The following TXNRD2 variants were observed in gnomAD, a reference collection of about 807,000 sequenced individuals.
TXNRD2 encodes thioredoxin reductase 2.
A neutral mutation model predicts 70.8 loss-of-function variants in TXNRD2; 67 were observed. The ratio of observed to expected loss-of-function variants is 0.95; its 90% confidence interval spans 0.78 to 1.16. TXNRD2 has a LOEUF of 1.16. Ranked by LOEUF, TXNRD2 falls within the 50% of genes most tolerant of loss-of-function variation. The pLI, the probability that TXNRD2 is intolerant of heterozygous loss-of-function variation, is 0.00. For synonymous variants in TXNRD2, 301 were observed against 295.8 expected, an observed-to-expected ratio of 1.02 and a Z score of -0.18; for missense variants, 644 against 719.9, an observed-to-expected ratio of 0.89 and a Z score of 1.21.
chr22:19,880,156 G>C, intron 14 of TXNRD2, 23 bp downstream of exon 14: 1 of 1,610,924 alleles, frequency 6.2e-7, no homozygotes, highest in Non-Finnish European at 8.5e-7. Context: ...ACTGTCCTCA[G>C]CTGTGCTGCT....
rs767787404 is a variant in TXNRD2 at position 19,915,856 on chromosome 22, GAT to G, written c.450-15_450-14del. 393 of 1,612,708 alleles carry G rather than the reference GAT, an allele frequency of 2.4e-4. 1 individual carries two copies. In the African/African-American group the frequency reaches 4.6e-3, roughly 19 times the overall value. On this transcript the variant is annotated splice_polypyrimidine_tract_variant and intron_variant, in intron 5 of 17. Coordinates refer to ENST00000400521, the MANE Select transcript of TXNRD2 (RefSeq NM_006440.5). ...GTACTTGACTTTTCTGAAAGATAAA[GAT>G]AAGATTTTCAAACACTTCCTCTGCA...
intron 17 of TXNRD2, chr22:19,876,427 G>C (rs1054021400): frequency 1.3e-5 from 2 of 152,312 alleles, no homozygotes; most frequent in African/African-American, 2.4e-5. Context: ...TCTGGCACAG[G>C]CATCCCTGGG....
intron 15 of TXNRD2, 39 bp from the exon 16 acceptor site, chr22:19,878,226 G>A (rs1380755856): frequency 1.2e-6 from 2 of 1,605,318 alleles, no homozygotes; most frequent in Non-Finnish European, 1.7e-6. Flanking sequence ...CCAGGAGGGG[G>A]CTGGGTTGCG....
intron 10 of TXNRD2, among the ~76,000 whole-genome samples, chr22:19,896,632 C>T (rs556950605): frequency 6.4e-4 from 98 of 152,368 alleles, no homozygotes; most frequent in Non-Finnish European, 1.2e-3. Context: ...GAGGCCTGTG[C>T]GCCCCAAGTC....
At position 19,919,538 on chromosome 22, in the gene TXNRD2, C is replaced by T. The variant is rs1478755042; in HGVS notation, c.229+5G>A. On this transcript the variant is annotated splice_donor_5th_base_variant and intron_variant, in intron 3 of 17. Transcript: ENST00000400521. ...GACACCCGGCTCCCATAGGGTGCTG[C>T]CTACCTTGGGGAGAAGGTTCCACGT... 1.3e-6 allele frequency: 2 copies of T among 1,558,122 alleles called. No homozygotes were observed. Among genetic ancestry groups the T allele is most frequent in the East Asian group, 2.4e-5 (1 of 41,018 alleles).
Position 19,895,505 on chromosome 22 carries a change from A to T in TXNRD2, c.851T>A (p.Val284Asp), listed in dbSNP as rs1045022447. The T allele has an allele frequency of 1.9e-6, 3 of 1,613,704 alleles. No homozygotes were observed. The highest frequency in any genetic ancestry group is 2.7e-5 in the African/African-American group (2 of 74,902). The change falls in exon 11 of 18, where the codon GTC becomes GAC. Residue 284 changes from valine (V) to aspartate (D), a missense_variant. Physicochemically the swap from Val to Asp is radical, Grantham distance 152. Around this residue, in one of 3 missense-constraint regions of TXNRD2, gnomAD observed 566 missense variants for 645.0 expected, o/e 0.88. Coordinates refer to ENST00000400521, the MANE Select transcript of TXNRD2 (RefSeq NM_006440.5). ...RFLRGCAPSR[V>D]RRLPDGQLQV... ...CAGCTGGCCATCAGGGAGCCTCCTG[A>T]CCCGCGAGGGGGCACAGCCCCTCAG...
intron 1 of TXNRD2, among the ~76,000 whole-genome samples, chr22:19,939,456 T>C (rs1350765340): frequency 6.6e-6 from 1 of 152,210 alleles, no homozygotes; most frequent in African/African-American, 2.4e-5. Flanking sequence ...ACACTTTCTG[T>C]CTCACCAGTT....
intron 11 of TXNRD2, among the ~76,000 whole-genome samples, chr22:19,884,937 G>T (rs1938956222): frequency 2.0e-5 from 3 of 152,166 alleles, no homozygotes; most frequent in African/African-American, 7.2e-5. Flanking sequence ...CTGAGCTAAG[G>T]GGCAGTGTCC....
intron 8 of TXNRD2, among the ~76,000 whole-genome samples, chr22:19,907,301 G>A (rs1447234801): frequency 3.7e-5 from 1 of 27,168 alleles, no homozygotes; most frequent in East Asian, 1.1e-3. Flanking sequence ...GGGCGCCGTG[G>A]ATAGCAGTGA....
rs1443401495 is a variant in TXNRD2, at chr22:19,931,066, C to T, written c.136G>A (p.Gly46Ser). The T allele has an allele frequency of 3.1e-6, 5 of 1,613,640 alleles. No homozygotes were observed. Among genetic ancestry groups the T allele is most frequent in the African/African-American group, 2.7e-5 (2 of 75,048 alleles). The change falls in exon 2 of 18, where the codon GGC (glycine) becomes AGC (serine). Residue 46 changes from glycine (G) to serine (S), a missense_variant. Gly to Ser is a moderately conservative substitution (Grantham distance 56). Around this residue, in one of 3 missense-constraint regions of TXNRD2, gnomAD observed 566 missense variants for 645.0 expected, o/e 0.88. Transcript: ENST00000400521. ...CAAGCCAGGCCACCAGATCCCCCGC[C>T]GACCACCAGGAGATCATAGTCCCGC... ...GQRDYDLLVV[G>S]GGSGGLACAK... is the part of the protein sequence containing the mutation.
At chr22:19,895,019 G>T (rs754634576) in intron 11 of TXNRD2, 8 of 1,534,042 alleles carry the variant, frequency 5.2e-6, no homozygotes, top group Non-Finnish European at 6.1e-6. Flanking sequence ...AAACCTGGAA[G>T]GTGACAAGTA....
chr22:19,915,766 T>G lies in TXNRD2; in HGVS notation c.527A>C (p.Glu176Ala). Residue 176 changes from glutamate to alanine, a missense_variant and splice_region_variant, in exon 6 of 18, where the codon GAG becomes GCG. Glu to Ala is a moderately radical substitution (Grantham distance 107, BLOSUM62 -1). Around this residue, in one of 3 missense-constraint regions of TXNRD2, gnomAD observed 566 missense variants for 645.0 expected, o/e 0.88. Coordinates refer to ENST00000400521, the MANE Select transcript of TXNRD2 (RefSeq NM_006440.5). The part of the protein sequence containing the change: ...TVCGVAKGGK[E>A]ILLSADHIII... ...CACGCGAGTAAGTCAGATGCTCACC[T>G]CTTTCCCACCTTTGGCAACGCCGCA... The G allele has an allele frequency of 6.2e-7, 1 of 1,614,178 alleles. No individual in the cohort carries two copies. The highest frequency in any genetic ancestry group is 8.5e-7 in the Non-Finnish European group (1 of 1,180,000).
intron 11 of TXNRD2, among the ~76,000 whole-genome samples, chr22:19,885,145 T>A (rs183404256): frequency 6.6e-6 from 1 of 152,244 alleles, no homozygotes; most frequent in African/African-American, 2.4e-5. Context: ...GAGGTCCCTT[T>A]CTCCCCTAAC....
chr22:19,938,401 C>T (rs934792641), intron 1 of TXNRD2, among the ~76,000 whole-genome samples: 9 of 152,140 alleles, frequency 5.9e-5, no homozygotes, highest in Admixed American at 1.3e-4. Flanking sequence ...GTGAAAAAGC[C>T]GCTTATTGGA....
chr22:19,937,626 G>A (rs897939661), intron 1 of TXNRD2, among the ~76,000 whole-genome samples: 4 of 152,142 alleles, frequency 2.6e-5, no homozygotes, highest in South Asian at 2.1e-4. Flanking sequence ...CATGAAGCAC[G>A]GCAACCAAAC....
chr22:19,932,220 C>T, intron 1 of TXNRD2: 3 of 1,485,048 alleles, frequency 2.0e-6, no homozygotes, highest in Non-Finnish European at 2.8e-6. Context: ...CACAGCTGGC[C>T]AGTGCACACA....
intron 11 of TXNRD2, among the ~76,000 whole-genome samples, chr22:19,893,401 C>T (rs143741389): frequency 2.4e-3 from 365 of 152,344 alleles, no homozygotes; most frequent in African/African-American, 8.4e-3. Context: ...GGCCAGGCAC[C>T]GAGGTGGGTA....
At chr22:19,906,099 C>A (rs1194247461) in intron 8 of TXNRD2, among the ~76,000 whole-genome samples, 2 of 151,946 alleles carry the variant, frequency 1.3e-5, no homozygotes, top group African/African-American at 4.8e-5. Flanking sequence ...AGGATCACAT[C>A]CCTAATACAC....
intron 5 of TXNRD2, among the ~76,000 whole-genome samples, chr22:19,916,863 C>T (rs1327861143): frequency 1.3e-5 from 2 of 152,148 alleles, no homozygotes; most frequent in African/African-American, 2.4e-5. Flanking sequence ...CCCACCTCAG[C>T]CTCCCAAAGT....
Sources: gnomAD v4.1 joint callset for allele counts (sites outside exome capture counted in the v4.1 genomes callset) on GRCh38, gnomAD v4.1.1 for gene constraint, gnomAD v4.1.1 regional missense constraint, MANE v1.5 for transcripts, NCBI Gene and HGNC (gene_info 2026-07-23, HGNC 2026-07-21) for gene names.